The following NUDT4 variants were observed in gnomAD, a reference collection of about 807,000 sequenced individuals.
NUDT4 encodes nudix hydrolase 4, also known as diphosphoinositol polyphosphate phosphohydrolase 2.
A neutral mutation model predicts 23.1 loss-of-function variants in NUDT4; 5 were observed. That is an observed-to-expected ratio of 0.22 (90% CI 0.11 to 0.46). The LOEUF (loss-of-function observed/expected upper bound fraction) is 0.46. Ranked by LOEUF, NUDT4 falls within the 20% of genes least tolerant of loss-of-function variation. NUDT4 has a pLI of 0.99. For missense variants in NUDT4, 96 were observed against 211.6 expected (o/e 0.45, Z 3.39); for synonymous variants, 50 against 79.0 (o/e 0.63, Z 1.95).
At chr12:93,382,674 C>CTTTTTTTTTTTTTTTTTTTTTTTTT (rs11315217) in intron 1 of NUDT4, among the ~76,000 whole-genome samples, 4 of 111,654 alleles carry the variant, frequency 3.6e-5, no homozygotes, top group African/African-American at 1.4e-4. Flanking sequence ...CAAAGGTAGC[C>CTTTTTTTTTTTTTTTTTTTTTTTTT]TTTTTTTTTT....
intron 1 of NUDT4, 59 bp downstream of exon 1, chr12:93,378,480 C>CT: frequency 6.9e-7 from 1 of 1,440,742 alleles, no homozygotes; most frequent in Non-Finnish European, 9.2e-7. Flanking sequence ...GGCCCGGGTG[C>CT]TTCCCCTCGC....
chr12:93,403,989 C>A lies in NUDT4; in HGVS notation c.*4610C>A, dbSNP rs1877649887. The stretch of plus-strand genomic sequence containing the variant: ...ATATGATTTCAGCAAATTCTGATAA[C>A]CCGGTATTACTCTTAATGCATTTTT... On this transcript the variant is annotated 3_prime_UTR_variant, in exon 5 of 5. Transcript: ENST00000415493. The A allele has an allele frequency of 1.3e-5, 2 of 152,178 alleles. No homozygotes were observed. The highest frequency in any genetic ancestry group is 4.8e-5 in the African/African-American group (2 of 41,410). The allele number at this position is 152,178 out of a possible 1,614,324, so 9.4% of individuals were successfully genotyped here.
chr12:93,383,945 G>A (rs536065848), intron 1 of NUDT4, among the ~76,000 whole-genome samples: 1 of 152,226 alleles, frequency 6.6e-6, no homozygotes, highest in East Asian at 1.9e-4. Flanking sequence ...TCCCCTTCCC[G>A]GGAACAGAAG....
At chr12:93,393,854 C>T (rs1876730630) in intron 1 of NUDT4, among the ~76,000 whole-genome samples, 1 of 152,178 alleles carries the variant, frequency 6.6e-6, no homozygotes. Context: ...CTTTCTCACA[C>T]ATCTGTTATC....
rs1352447329 is a variant in NUDT4, at chr12:93,402,844, GC to G, written c.*3469del. 2 of 130,392 alleles carry G rather than the reference GC, an allele frequency of 1.5e-5. No individual in the cohort carries two copies. Among genetic ancestry groups the G allele is most frequent in the African/African-American group, 6.9e-5 (2 of 28,986 alleles). 8.1% of individuals were successfully genotyped at this position (130,392 alleles called of 1,614,324 possible). ...TAAAAGCATAACTGGCTAAGTCACC[GC>G]CCCACCCGCCGCATTACATTTCCTA... On this transcript the variant is annotated 3_prime_UTR_variant, in exon 5 of 5. Transcript: ENST00000415493.
chr12:93,392,513 TC>T (rs1383943350), intron 1 of NUDT4, among the ~76,000 whole-genome samples: 2 of 151,446 alleles, frequency 1.3e-5, no homozygotes, highest in African/African-American at 4.9e-5. Flanking sequence ...CACCTCAGCC[TC>T]CCAAAGTGCT....
chr12:93,380,809 T>C (rs1875608979), intron 1 of NUDT4, among the ~76,000 whole-genome samples: 1 of 152,208 alleles, frequency 6.6e-6, no homozygotes, highest in Non-Finnish European at 1.5e-5. Context: ...CAGGACAGTC[T>C]AGAAAACCAG....
rs185794272 is a variant in NUDT4, at chr12:93,384,105, T to A, written c.99+5684T>A. On this transcript the variant is annotated intron_variant, in intron 1 of 4. Transcript: ENST00000415493. ...ATTACATAGCCCTTGAACAGCACCC[T>A]TTTATACATCACCAGCGAGGAGGAC... Among the ~76,000 whole-genome samples the A allele has an allele frequency of 1.9e-4, 29 of 152,214 alleles. No homozygotes were observed. In the East Asian group the frequency reaches 5.2e-3, roughly 27 times the overall value.
chr12:93,382,412 C>G (rs141069481), intron 1 of NUDT4, among the ~76,000 whole-genome samples: 1 of 152,270 alleles, frequency 6.6e-6, no homozygotes, highest in African/African-American at 2.4e-5. Context: ...AAATCTTGAG[C>G]TGTACAAAAT....
chr12:93,387,299 TAAA>T (rs1876177947), intron 1 of NUDT4, among the ~76,000 whole-genome samples: 1 of 152,180 alleles, frequency 6.6e-6, no homozygotes, highest in East Asian at 1.9e-4. Context: ...AGTAGTTCCA[TAAA>T]AATGTAGTCC....
rs1429276390 is a variant in NUDT4, at chr12:93,402,167, A to C, written c.*2788A>C. The C allele has an allele frequency of 6.6e-6, 1 of 151,960 alleles. No homozygotes were observed. The highest frequency in any genetic ancestry group is 1.5e-5 in the Non-Finnish European group (1 of 67,968). The allele number at this position is 151,960 out of a possible 1,614,324, so 9.4% of individuals were successfully genotyped here. ...AAAGCAGCAGAACTGAAGGGGAAAA[A>C]TGATTGTTGTATACACTGAATTGCT... On this transcript the variant is annotated 3_prime_UTR_variant, in exon 5 of 5. Transcript: ENST00000415493.
At chr12:93,383,917 T>C (rs1875876409) in intron 1 of NUDT4, among the ~76,000 whole-genome samples, 1 of 152,204 alleles carries the variant, frequency 6.6e-6, no homozygotes, top group Non-Finnish European at 1.5e-5. Flanking sequence ...CTTGAGGTTC[T>C]CTGGATGGCT....
intron 1 of NUDT4, among the ~76,000 whole-genome samples, chr12:93,394,085 C>T (rs1361939444): frequency 2.6e-5 from 4 of 152,206 alleles, no homozygotes; most frequent in Non-Finnish European, 5.9e-5. Context: ...TCATTGCAAC[C>T]TCCACCTCCT....
At chr12:93,385,976 A>ATTTT (rs202241092) in intron 1 of NUDT4, among the ~76,000 whole-genome samples, 1 of 86,578 alleles carries the variant, frequency 1.2e-5, no homozygotes, top group Non-Finnish European at 2.4e-5. Flanking sequence ...TATATACATA[A>ATTTT]TTTTTTTTTT....
intron 1 of NUDT4, among the ~76,000 whole-genome samples, chr12:93,390,211 T>C (rs1876393014): frequency 6.6e-5 from 10 of 152,216 alleles, no homozygotes; most frequent in Admixed American, 5.9e-4. Context: ...GAGCATAGAA[T>C]TGTGTAACAA....
At chr12:93,387,801 G>T (rs944445306) in intron 1 of NUDT4, among the ~76,000 whole-genome samples, 2 of 152,036 alleles carry the variant, frequency 1.3e-5, no homozygotes, top group African/African-American at 4.8e-5. Flanking sequence ...CTGTTATTGG[G>T]GTTGGGGGCA....
At chr12:93,390,886 C>G (rs1006658482) in intron 1 of NUDT4, among the ~76,000 whole-genome samples, 6 of 152,152 alleles carry the variant, frequency 3.9e-5, no homozygotes, top group African/African-American at 1.4e-4. Flanking sequence ...AGCCACCATG[C>G]CTGGCCTGGA....
At position 93,383,074 on chromosome 12, in the gene NUDT4, AT is replaced by A. The variant is rs367746876; in HGVS notation, c.99+4667del. 6.1e-3 allele frequency among the ~76,000 whole-genome samples: 885 copies of A among 144,282 alleles called. 8 individuals carry two copies. The highest frequency in any genetic ancestry group is 0.048 in the East Asian group (242 of 5,014). 94.7% of individuals were successfully genotyped at this position (144,282 alleles called of 152,430 possible). ...GGCATTAACGTAGAATTTGCATTGG[AT>A]TTTTTTTTTTTTTCTTAGGGTCTTG... On this transcript the variant is annotated intron_variant, in intron 1 of 4. Coordinates refer to ENST00000415493, the MANE Select transcript of NUDT4 (RefSeq NM_019094.6).
intron 1 of NUDT4, chr12:93,378,709 C>CG: frequency 8.9e-7 from 1 of 1,117,896 alleles, no homozygotes; most frequent in East Asian, 4.8e-5. Context: ...TCTCGCCTAG[C>CG]GGGAGTCACC....
Sources: gnomAD v4.1 joint callset for allele counts (sites outside exome capture counted in the v4.1 genomes callset) on GRCh38, gnomAD v4.1.1 for gene constraint, MANE v1.5 for transcripts, NCBI Gene and HGNC (gene_info 2026-07-23, HGNC 2026-07-21) for gene names.